GALNT10: variants seen among roughly 807,000 people sequenced by gnomAD.
GALNT10 encodes GalNAc transferase 10.
A neutral mutation model predicts 75.0 loss-of-function variants in GALNT10; 41 were observed. That is an observed-to-expected ratio of 0.55 (90% CI 0.43 to 0.71). The LOEUF (loss-of-function observed/expected upper bound fraction) is 0.71, where lower values mean the gene tolerates loss of function less well. Ranked by LOEUF, GALNT10 falls within the 30% of genes least tolerant of loss-of-function variation. The pLI is 0.00. For missense variants in GALNT10, 727 were observed against 818.5 expected (o/e 0.89, Z 1.36); for synonymous variants, 302 against 313.0 (o/e 0.96, Z 0.37).
chr5:154,308,473 A>G (rs549640304), intron 3 of GALNT10, among the ~76,000 whole-genome samples: 3 of 152,292 alleles, frequency 2.0e-5, no homozygotes, highest in Admixed American at 6.5e-5. Flanking sequence ...CTGGGGCAAG[A>G]AAGGGCAGGG....
At chr5:154,283,340 T>C (rs1449253366) in intron 1 of GALNT10, among the ~76,000 whole-genome samples, 1 of 150,634 alleles carries the variant, frequency 6.6e-6, no homozygotes, top group East Asian at 1.9e-4. Flanking sequence ...TCTTAGTTTC[T>C]TGGGAGGCTG....
At chr5:154,397,059 G>A (rs149263849) in intron 7 of GALNT10, among the ~76,000 whole-genome samples, 21 of 151,670 alleles carry the variant, frequency 1.4e-4, no homozygotes, top group African/African-American at 4.4e-4. Flanking sequence ...CCTGGGAGCC[G>A]GAGGTTGCAG....
intron 1 of GALNT10, among the ~76,000 whole-genome samples, chr5:154,240,656 G>T (rs113895635): frequency 0.012 from 1,837 of 152,314 alleles, 42 homozygotes; most frequent in African/African-American, 0.041. Flanking sequence ...ATATTTTGTG[G>T]CTGGGGAAGT....
At chr5:154,253,250 G>C (rs1753555203) in intron 1 of GALNT10, among the ~76,000 whole-genome samples, 1 of 151,756 alleles carries the variant, frequency 6.6e-6, no homozygotes, top group African/African-American at 2.4e-5. Flanking sequence ...TAGGGACATG[G>C]ATGAAGCTGG....
chr5:154,229,592 G>A (rs537677179), intron 1 of GALNT10, among the ~76,000 whole-genome samples: 56 of 152,036 alleles, frequency 3.7e-4, no homozygotes, highest in Non-Finnish European at 6.6e-4. Flanking sequence ...AATTCGCCGG[G>A]CATGGTGGCG....
chr5:154,322,895 CTGAAGTTGAACTCTGGTATCATTTATT>C lies in GALNT10; in HGVS notation c.402-6676_402-6650del, dbSNP rs1280286404. On this transcript the variant is annotated intron_variant, in intron 3 of 11. Coordinates refer to ENST00000297107, the MANE Select transcript of GALNT10 (RefSeq NM_198321.4). ...GAACTTGGGATATGGTATAAAAAGA[CTGAAGTTGAACTCTGGTATCATTTATT>C]CATTCAGCAAATATTTATTGATCAC... 2.0e-5 allele frequency among the ~76,000 whole-genome samples: 3 copies of C among 152,276 alleles called. No homozygotes were observed. The East Asian group carries it at 5.8e-4, about 29-fold the overall frequency.
chr5:154,323,640 C>G (rs1304467836), intron 3 of GALNT10, among the ~76,000 whole-genome samples: 2 of 152,234 alleles, frequency 1.3e-5, no homozygotes, highest in Non-Finnish European at 2.9e-5. Flanking sequence ...AGGGGAACCC[C>G]TGCTCATATT....
At chr5:154,413,157 C>T in intron 10 of GALNT10, 152 bp downstream of exon 10, 1 of 617,830 alleles carries the variant, frequency 1.6e-6, no homozygotes, top group Non-Finnish European at 2.9e-6. Flanking sequence ...TTCCTGAACA[C>T]CGTGGAAAGG....
intron 4 of GALNT10, among the ~76,000 whole-genome samples, chr5:154,353,031 A>G (rs761828218): frequency 6.6e-6 from 1 of 152,106 alleles, no homozygotes; most frequent in African/African-American, 2.4e-5. Flanking sequence ...CCACTCCCCA[A>G]GTCCAGAAGA....
intron 1 of GALNT10, among the ~76,000 whole-genome samples, chr5:154,283,439 A>G (rs1449354222): frequency 6.6e-6 from 1 of 152,120 alleles, no homozygotes; most frequent in Admixed American, 6.5e-5. Flanking sequence ...TGGGCAGCAG[A>G]GCAAGATCCT....
intron 4 of GALNT10, among the ~76,000 whole-genome samples, chr5:154,350,616 A>C (rs1755191888): frequency 6.6e-6 from 1 of 152,210 alleles, no homozygotes; most frequent in Non-Finnish European, 1.5e-5. Context: ...AAGCTGGAGT[A>C]AAGGGGAGGA....
chr5:154,262,747 T>C (rs1422373112), intron 1 of GALNT10, among the ~76,000 whole-genome samples: 2 of 152,110 alleles, frequency 1.3e-5, no homozygotes, highest in Non-Finnish European at 2.9e-5. Context: ...GACCCTCAAG[T>C]TGTCAGTGCA....
chr5:154,240,288 C>A (rs576035338), intron 1 of GALNT10, among the ~76,000 whole-genome samples: 1 of 152,234 alleles, frequency 6.6e-6, no homozygotes, highest in South Asian at 2.1e-4. Flanking sequence ...AGTGTCCTCA[C>A]CTATAAAATG....
At chr5:154,267,432 G>A (rs954994790) in intron 1 of GALNT10, among the ~76,000 whole-genome samples, 1 of 152,194 alleles carries the variant, frequency 6.6e-6, no homozygotes, top group African/African-American at 2.4e-5. Context: ...CTGCCCAGCA[G>A]GATGCCAGGA....
intron 1 of GALNT10, among the ~76,000 whole-genome samples, chr5:154,197,711 G>A (rs763236049): frequency 6.6e-6 from 1 of 152,194 alleles, no homozygotes; most frequent in Non-Finnish European, 1.5e-5. Flanking sequence ...TGATAATGAG[G>A]TTGATAATGT....
At chr5:154,301,709 A>T (rs961848139) in intron 3 of GALNT10, among the ~76,000 whole-genome samples, 1 of 152,076 alleles carries the variant, frequency 6.6e-6, no homozygotes, top group Non-Finnish European at 1.5e-5. Context: ...ATAAATTTTG[A>T]TAACTATATT....
intron 1 of GALNT10, among the ~76,000 whole-genome samples, chr5:154,235,571 C>G (rs913920165): frequency 3.3e-5 from 5 of 152,162 alleles, no homozygotes; most frequent in Non-Finnish European, 5.9e-5. Flanking sequence ...GGGGGACCAA[C>G]AATTGAGGAC....
intron 1 of GALNT10, among the ~76,000 whole-genome samples, chr5:154,287,867 G>C (rs1754134547): frequency 6.6e-6 from 1 of 150,528 alleles, no homozygotes; most frequent in Non-Finnish European, 1.5e-5. Flanking sequence ...CTCTTTGAAG[G>C]TAATCTTGAA....
At chr5:154,208,384 C>G (rs1201178715) in intron 1 of GALNT10, among the ~76,000 whole-genome samples, 3 of 152,196 alleles carry the variant, frequency 2.0e-5, no homozygotes, top group African/African-American at 7.2e-5. Flanking sequence ...TCCCACTCAC[C>G]TCAGGCTTAT....
Sources: allele counts gnomAD v4.1 joint callset (sites outside exome capture counted in the v4.1 genomes callset), GRCh38; gene constraint gnomAD v4.1.1; transcripts MANE v1.5; gene names NCBI Gene and HGNC (gene_info 2026-07-23, HGNC 2026-07-21).